The following F8 variants were observed in gnomAD, a reference collection of about 807,000 sequenced individuals.
The protein encoded by F8 is coagulation factor VIII.
Under a neutral mutation model 140.6 loss-of-function variants are expected in F8, and 12 were observed. The ratio of observed to expected loss-of-function variants is 0.09; its 90% CI spans 0.05 to 0.14. F8 has a LOEUF of 0.14. F8 is among the 10% of genes least tolerant of loss of function. The pLI, the probability that F8 is intolerant of heterozygous loss-of-function variation, is 1.00. For missense variants in F8, 1,354 were observed against 1,720.7 expected (o/e 0.79, Z 3.77); for synonymous variants, 585 against 614.6 (o/e 0.95, Z 0.71).
intron 1 of F8, among the ~76,000 whole-genome samples, chrX:155,015,833 C>T (rs1026381366): frequency 8.9e-6 from 1 of 112,248 alleles, no homozygotes; most frequent in Non-Finnish European, 1.9e-5. Flanking sequence ...GTTGAAACTA[C>T]GTTTAAAAAC....
intron 6 of F8, among the ~76,000 whole-genome samples, chrX:154,972,703 C>CTTTTTTTTTTTTTTTTT (rs1557282690): frequency 6.2e-5 from 4 of 64,686 alleles, no homozygotes; most frequent in African/African-American, 2.1e-4. Flanking sequence ...TTCTTTCTGT[C>CTTTTTTTTTTTTTTTTT]TTTCTTTTTT....
At chrX:154,872,433 A>G (rs28816696) in intron 22 of F8, among the ~76,000 whole-genome samples, 18,850 of 109,486 alleles carry the variant, frequency 0.17, 1,386 homozygotes, top group African/African-American at 0.27. Context: ...ATCATTCTCA[A>G]AAACTATCAC....
Position 154,888,380 on chromosome X carries a change from A to ATT in F8, c.6429+7695_6429+7696dup, listed in dbSNP as rs782710109. Among the ~76,000 whole-genome samples the ATT allele has an allele frequency of 6.7e-3, 150 of 22,230 alleles. 7 individuals are homozygous for ATT. Among genetic ancestry groups the ATT allele is most frequent in the African/African-American group, 0.037 (118 of 3,202 alleles). The allele number at this position is 22,230 out of a possible 115,157, so 19.3% of individuals were successfully genotyped here. ...ACAACAGCTTTTATTTGTAATAGGGATTTTTTTTTTTTTTTTTTTTTTTTT... is the reference window on the plus strand; with the variant it reads ...ACAACAGCTTTTATTTGTAATAGGGATTTTTTTTTTTTTTTTTTTTTTTTTTT... On this transcript the variant is annotated intron_variant, in intron 22 of 25. Coordinates refer to ENST00000360256, the MANE Select transcript of F8 (RefSeq NM_000132.4).
chrX:154,895,042 C>T (rs1557275511), intron 22 of F8, among the ~76,000 whole-genome samples: 21 of 111,838 alleles, frequency 1.9e-4, no homozygotes. Context: ...GCTTGGTACA[C>T]AGCAATAGTA....
At chrX:154,876,684 C>A (rs1003377699) in intron 22 of F8, among the ~76,000 whole-genome samples, 2 of 111,208 alleles carry the variant, frequency 1.8e-5, no homozygotes, top group African/African-American at 3.3e-5. Context: ...CTATTTATGG[C>A]CTTTAGATTT....
rs782710109 is a variant in F8, at chrX:154,888,380, A to ATTTTTTTT, written c.6429+7689_6429+7696dup. Among the ~76,000 whole-genome samples, 30 of 22,264 alleles carry ATTTTTTTT rather than the reference A, an allele frequency of 1.3e-3. 2 individuals carry two copies. The highest frequency in any genetic ancestry group is 4.9e-3 in the South Asian group (2 of 412). The allele number at this position is 22,264 out of a possible 115,157, so 19.3% of individuals were successfully genotyped here. A position where few individuals can be genotyped will look rare whatever the true frequency, so the allele number is the denominator to read the frequency against. ...ACAACAGCTTTTATTTGTAATAGGG[A>ATTTTTTTT]TTTTTTTTTTTTTTTTTTTTTTTTT... On this transcript the variant is annotated intron_variant, in intron 22 of 25. Coordinates refer to ENST00000360256, the MANE Select transcript of F8 (RefSeq NM_000132.4).
In F8 at chrX:154,920,213, C is replaced by CT. The variant is rs1181649131; in HGVS notation, c.5219+8357dup. Reference sequence around the variant, plus strand: ...TGTCATTTTGTTAATTGCTTTCTTTCTTTTTTTTTTTTTAGATCCTTTGAT... The same window carrying CT: ...TGTCATTTTGTTAATTGCTTTCTTTCTTTTTTTTTTTTTTAGATCCTTTGAT... On this transcript the variant is annotated intron_variant, in intron 14 of 25. Transcript: ENST00000360256. 230 of 101,870 alleles carry CT rather than the reference C, an allele frequency of 2.3e-3. 1 individual carries two copies. The highest frequency in any genetic ancestry group is 5.5e-3 in the East Asian group (18 of 3,276). 8.4% of individuals were successfully genotyped at this position (101,870 alleles called of 1,213,427 possible).
At chrX:155,018,405 T>C (rs931943009) in intron 1 of F8, among the ~76,000 whole-genome samples, 9 of 110,835 alleles carry the variant, frequency 8.1e-5, no homozygotes, top group South Asian at 3.7e-4. Flanking sequence ...GAACAGTGCA[T>C]AGCTACATGC....
chrX:154,846,720 G>T (rs1557271775), intron 25 of F8, among the ~76,000 whole-genome samples: 1 of 111,630 alleles, frequency 9.0e-6, no homozygotes, highest in African/African-American at 3.3e-5. Context: ...ACACTGATGG[G>T]TCTTGACTCT....
intron 9 of F8, among the ~76,000 whole-genome samples, chrX:154,963,708 A>G (rs2073408396): frequency 8.9e-6 from 1 of 111,939 alleles, no homozygotes; most frequent in South Asian, 3.7e-4. Context: ...TAGCTCTTAC[A>G]TTTTATCTTT....
chrX:154,909,036 C>T (rs782693545), intron 14 of F8: 16 of 226,475 alleles, frequency 7.1e-5, no homozygotes, highest in Middle Eastern at 1.9e-3. Context: ...CTTCCGTTGG[C>T]GAGTCATTTT....
intron 11 of F8, among the ~76,000 whole-genome samples, chrX:154,955,679 T>A (rs927664038): frequency 1.8e-5 from 2 of 110,995 alleles, no homozygotes; most frequent in Admixed American, 1.9e-4. Flanking sequence ...AGCAAGTTTT[T>A]ATTAGTGATT....
Position 154,902,073 on chromosome X carries a change from T to G in F8, c.6093A>C (p.Thr2031=). 1 of 1,207,573 alleles carries G rather than the reference T, an allele frequency of 8.3e-7. No homozygotes were observed. The highest frequency in any genetic ancestry group is 1.1e-6 in the Non-Finnish European group (1 of 891,706). The change falls in exon 19 of 26, where the codon ACA becomes ACC. Residue 2031 remains threonine, a synonymous_variant. Transcript: ENST00000360256. ...IGEHLHAGMS[T]LFLVYSNKCQ... Reference sequence around the variant, plus strand: ...CACTATTGCTGTACACCAGAAAAAGTGTGCTCATCCCAGCATGTAGATGCT... The same window carrying G: ...CACTATTGCTGTACACCAGAAAAAGGGTGCTCATCCCAGCATGTAGATGCT...
At chrX:154,934,198 T>C (rs188846106) in intron 13 of F8, among the ~76,000 whole-genome samples, 29 of 112,221 alleles carry the variant, frequency 2.6e-4, no homozygotes, top group African/African-American at 9.4e-4. Flanking sequence ...ATAGTTAATA[T>C]AAAACAGGTA....
At chrX:154,899,328 A>C (rs1157015668) in intron 21 of F8, among the ~76,000 whole-genome samples, 1 of 112,378 alleles carries the variant, frequency 8.9e-6, no homozygotes, top group Non-Finnish European at 1.9e-5. Flanking sequence ...AGCTTTTGTG[A>C]GGCATGGAAG....
chrX:154,853,920 A>G (rs2072633304), intron 25 of F8, among the ~76,000 whole-genome samples: 1 of 111,812 alleles, frequency 8.9e-6, no homozygotes, highest in African/African-American at 3.2e-5. Flanking sequence ...ATTGTTGTAC[A>G]ATATACATAA....
Position 154,954,792 on chromosome X carries a change from C to T in F8, c.1753-750G>A, listed in dbSNP as rs781889601. On this transcript the variant is annotated intron_variant, in intron 11 of 25. Transcript: ENST00000360256. ...ATTTCAGTTCTCTTCCCAAAAGTGA[C>T]GAAAAAACTATAGTTAGGAAAAATC... Among the ~76,000 whole-genome samples the T allele has an allele frequency of 1.4e-4, 16 of 111,615 alleles. No homozygotes were observed. In the East Asian group the frequency reaches 2.8e-3, roughly 19 times the overall value.
chrX:155,019,138 A>T (rs1436944681), intron 1 of F8, among the ~76,000 whole-genome samples: 8 of 112,285 alleles, frequency 7.1e-5, no homozygotes, highest in Admixed American at 2.8e-4. Flanking sequence ...AAGACAATTC[A>T]GATGATACCA....
At chrX:154,901,973 C>A in intron 19 of F8, 78 bp downstream of exon 19, 1 of 646,124 alleles carries the variant, frequency 1.5e-6, no homozygotes, top group Non-Finnish European at 2.6e-6. Context: ...CTGACACAAG[C>A]AACCATTCCA....
Sources: allele counts gnomAD v4.1 joint callset (sites outside exome capture counted in the v4.1 genomes callset), GRCh38; gene constraint gnomAD v4.1.1; transcripts MANE v1.5; gene names NCBI Gene and HGNC (gene_info 2026-07-23, HGNC 2026-07-21).